Variants in SYN3 observed in about 807,000 individuals in gnomAD.
SYN3 encodes the protein synapsin-3.
SYN3 carries 35 observed loss-of-function variants against 65.8 expected under a neutral mutation model. The ratio of observed to expected loss-of-function variants is 0.53; its 90% CI spans 0.41 to 0.70. The LOEUF is 0.70. Among genes scored for constraint, SYN3 ranks in the 30% least tolerant of loss-of-function variants. The pLI is 0.00. For synonymous variants in SYN3, 270 were observed against 292.9 expected (o/e 0.92, Z 0.80); for missense variants, 680 against 749.0 (o/e 0.91, Z 1.08).
chr22:32,935,822 A>G (rs2146722015), intron 3 of SYN3, among the ~76,000 whole-genome samples: 1 of 152,328 alleles, frequency 6.6e-6, no homozygotes, highest in East Asian at 1.9e-4. Context: ...GAGAGACTAC[A>G]TTCACATGTA....
At chr22:32,768,424 T>G (rs1351303632) in intron 6 of SYN3, among the ~76,000 whole-genome samples, 1 of 152,204 alleles carries the variant, frequency 6.6e-6, no homozygotes, top group African/African-American at 2.4e-5. Flanking sequence ...TCTCTTCTCT[T>G]TATATTTCTT....
chr22:32,651,352 A>G (rs2060067565), intron 6 of SYN3, among the ~76,000 whole-genome samples: 1 of 152,210 alleles, frequency 6.6e-6, no homozygotes, highest in South Asian at 2.1e-4. Context: ...ACCAGTGATT[A>G]GCAAGAATCT....
At chr22:33,028,444 G>A (rs756586236) in intron 1 of SYN3, among the ~76,000 whole-genome samples, 155 of 152,276 alleles carry the variant, frequency 1.0e-3, no homozygotes, top group Non-Finnish European at 1.8e-3. Flanking sequence ...GCAGCTGCCC[G>A]CACAGCCAGC....
chr22:32,659,650 G>T lies in SYN3; in HGVS notation c.712-62914C>A, dbSNP rs13340076. On this transcript the variant is annotated intron_variant, in intron 6 of 13. Transcript: ENST00000358763. ...AGGATAGTATTAGAGTCCTTGAAAA[G>T]GTGTTTCAGATATTCTTAGTGGGAA... Among the ~76,000 whole-genome samples the T allele has an allele frequency of 2.3e-3, 350 of 152,290 alleles. 2 individuals carry two copies. The highest frequency in any genetic ancestry group is 7.5e-3 in the African/African-American group (311 of 41,554).
intron 1 of SYN3, among the ~76,000 whole-genome samples, chr22:33,052,275 G>T (rs1479190660): frequency 6.6e-6 from 1 of 152,198 alleles, no homozygotes; most frequent in Non-Finnish European, 1.5e-5. Flanking sequence ...GAAGCAGGTG[G>T]CAGTTTAGCA....
At chr22:32,522,437 T>A (rs2057901085) in intron 12 of SYN3, among the ~76,000 whole-genome samples, 1 of 152,138 alleles carries the variant, frequency 6.6e-6, no homozygotes, top group Non-Finnish European at 1.5e-5. Context: ...TCTGTTCAAA[T>A]GTGCTTTTAA....
At chr22:32,855,348 AAGG>A (rs1247772380) in intron 6 of SYN3, among the ~76,000 whole-genome samples, 2 of 152,320 alleles carry the variant, frequency 1.3e-5, no homozygotes, top group East Asian at 3.9e-4. Flanking sequence ...TGTGCCTCTG[AAGG>A]AGGCACAGTG....
At chr22:32,924,012 A>T (rs762281651) in intron 4 of SYN3, among the ~76,000 whole-genome samples, 3 of 152,206 alleles carry the variant, frequency 2.0e-5, no homozygotes, top group Non-Finnish European at 4.4e-5. Flanking sequence ...CCCACAAAAG[A>T]CATGATCTCC....
At chr22:32,766,228 C>T (rs1165777192) in intron 6 of SYN3, among the ~76,000 whole-genome samples, 1 of 152,184 alleles carries the variant, frequency 6.6e-6, no homozygotes, top group African/African-American at 2.4e-5. Flanking sequence ...ATGTGCTGAG[C>T]ACCTTTTGTG....
At chr22:32,580,905 A>C (rs1046439156) in intron 7 of SYN3, among the ~76,000 whole-genome samples, 1 of 152,196 alleles carries the variant, frequency 6.6e-6, no homozygotes, top group African/African-American at 2.4e-5. Flanking sequence ...CTTGTTAGAA[A>C]TTCAGAACCC....
chr22:32,541,622 G>A lies in SYN3; in HGVS notation c.866C>T (p.Ser289Phe). The A allele has an allele frequency of 6.2e-7, 1 of 1,614,134 alleles. No individual in the cohort carries two copies. Among genetic ancestry groups the A allele is most frequent in the Non-Finnish European group, 8.5e-7 (1 of 1,180,034 alleles). ...TTTCTGGATGCGGATGTCGTACTTGGAGTCGATGAAGGCCTCGGTGGTGGC... is the reference window on the plus strand; with the variant it reads ...TTTCTGGATGCGGATGTCGTACTTGAAGTCGATGAAGGCCTCGGTGGTGGC... ...TYATTEAFID[S>F]KYDIRIQKIG... is the part of the protein sequence containing the mutation. The change falls in exon 8 of 14, where the codon TCC becomes TTC. Residue 289 changes from serine to phenylalanine, a missense_variant. By Grantham distance (155) the Ser-to-Phe change is radical. Transcript: ENST00000358763.
At chr22:32,976,805 G>A (rs1428235648) in intron 3 of SYN3, among the ~76,000 whole-genome samples, 1 of 152,164 alleles carries the variant, frequency 6.6e-6, no homozygotes, top group Non-Finnish European at 1.5e-5. Flanking sequence ...AGAAGGGGCG[G>A]AGGCTTCCTC....
chr22:32,600,601 G>A (rs1418178594), intron 6 of SYN3, among the ~76,000 whole-genome samples: 3 of 152,214 alleles, frequency 2.0e-5, no homozygotes, highest in African/African-American at 4.8e-5. Flanking sequence ...AGACCACCAC[G>A]GTCTTCCCGT....
chr22:32,841,422 G>A (rs1238965292), intron 6 of SYN3, among the ~76,000 whole-genome samples: 1 of 152,136 alleles, frequency 6.6e-6, no homozygotes, highest in Non-Finnish European at 1.5e-5. Flanking sequence ...TTCCAGCAGA[G>A]GGAACTGCAA....
chr22:32,658,258 C>T (rs958332964), intron 6 of SYN3, among the ~76,000 whole-genome samples: 36 of 152,198 alleles, frequency 2.4e-4, no homozygotes, highest in East Asian at 5.8e-4. Flanking sequence ...TGGTCGGTGA[C>T]GAGCAGGTGG....
chr22:32,801,951 G>C lies in SYN3; in HGVS notation c.711+62964C>G. 1 of 1,553,978 alleles carries C rather than the reference G, an allele frequency of 6.4e-7. No homozygotes were observed. Among genetic ancestry groups the C allele is most frequent in the Non-Finnish European group, 8.6e-7 (1 of 1,159,526 alleles). ...AGCAGCCCCGCCGGCGGCGCGCACG[G>C]CAACTTTGGAGAGGCGAGCAGCAGC... On this transcript the variant is annotated intron_variant, in intron 6 of 13. Transcript: ENST00000358763. This position sits in a 1 kb window ranked among gnomAD's most constrained non-coding sequence, Gnocchi z 4.7.
At chr22:32,700,583 C>T (rs1297654260) in intron 6 of SYN3, among the ~76,000 whole-genome samples, 1 of 152,194 alleles carries the variant, frequency 6.6e-6, no homozygotes, top group Non-Finnish European at 1.5e-5. Flanking sequence ...TTGTCCCTTT[C>T]ATAAACACTC....
At chr22:32,690,362 A>G (rs2060646067) in intron 6 of SYN3, among the ~76,000 whole-genome samples, 1 of 152,118 alleles carries the variant, frequency 6.6e-6, no homozygotes, top group African/African-American at 2.4e-5. Context: ...CTCCCAGTCT[A>G]TGGTATTTTT....
At chr22:32,780,934 TTTCCTTCCTTCCTTCC>T (rs71187216) in intron 6 of SYN3, among the ~76,000 whole-genome samples, 201 of 82,688 alleles carry the variant, frequency 2.4e-3, no homozygotes, top group South Asian at 4.2e-3. Flanking sequence ...CCTTCCTTCC[TTTCCTTCCTTCCTTCC>T]TTCCTTCCTT....
Sources: gnomAD v4.1 joint callset for allele counts (sites outside exome capture counted in the v4.1 genomes callset) on GRCh38, gnomAD v4.1.1 for gene constraint, Gnocchi (gnomAD v3.1) non-coding constraint, MANE v1.5 for transcripts, NCBI Gene and HGNC (gene_info 2026-07-23, HGNC 2026-07-21) for gene names.